OR10G3: variants seen among roughly 807,000 people sequenced by gnomAD.
OR10G3 encodes olfactory receptor 10G3.
OR10G3 carries 8 observed loss-of-function variants against 13.4 expected under a neutral mutation model. That is an observed-to-expected ratio of 0.60 (90% CI 0.35 to 1.08). The LOEUF (loss-of-function observed/expected upper bound fraction) is 1.08. Ranked by LOEUF, OR10G3 falls within the 50% of genes least tolerant of loss-of-function variation. OR10G3 has a pLI of 0.02. For synonymous variants in OR10G3, 142 were observed against 156.1 expected (o/e 0.91, Z 0.67); for missense variants, 393 against 386.6 (o/e 1.02, Z -0.14).
At chr14:21,572,242 C>A (rs1893077721) in intron 1 of OR10G3, among the ~76,000 whole-genome samples, 1 of 125,608 alleles carries the variant, frequency 8.0e-6, no homozygotes, top group Non-Finnish European at 1.6e-5. Context: ...GCTGAGATTG[C>A]ACCACTTCAC....
intron 1 of OR10G3, chr14:21,574,795 A>T (rs936832377): frequency 7.9e-5 from 12 of 151,948 alleles, no homozygotes; most frequent in Admixed American, 7.2e-4. Context: ...AAAAAAAATA[A>T]AAAAAATTTA....
intron 1 of OR10G3, among the ~76,000 whole-genome samples, 154 bp downstream of exon 1, chr14:21,579,632 A>C (rs1253358345): frequency 1.3e-5 from 2 of 152,236 alleles, no homozygotes; most frequent in Non-Finnish European, 2.9e-5. Flanking sequence ...ACAGCAGAAA[A>C]AGAACTATAC....
At chr14:21,575,318 T>C in intron 1 of OR10G3, among the ~76,000 whole-genome samples, 1 of 151,746 alleles carries the variant, frequency 6.6e-6, no homozygotes. Flanking sequence ...CCTGACCTCA[T>C]GATCTGCCCG....
At chr14:21,578,664 GAAA>G (rs1301391944) in intron 1 of OR10G3, among the ~76,000 whole-genome samples, 1 of 151,910 alleles carries the variant, frequency 6.6e-6, no homozygotes, top group Non-Finnish European at 1.5e-5. Context: ...TGGCCATGAA[GAAA>G]ACTTTAAAAA....
intron 1 of OR10G3, 147 bp downstream of exon 1, chr14:21,579,639 A>G (rs1338600306): frequency 6.6e-6 from 1 of 152,250 alleles, no homozygotes; most frequent in Non-Finnish European, 1.5e-5. Flanking sequence ...AAAAAGAACT[A>G]TACTGAGTAA....
At chr14:21,573,680 A>C (rs562445384) in intron 1 of OR10G3, among the ~76,000 whole-genome samples, 4 of 151,772 alleles carry the variant, frequency 2.6e-5, no homozygotes, top group African/African-American at 7.3e-5. Flanking sequence ...TCAAAAAAAA[A>C]AAAGTACGAA....
intron 1 of OR10G3, among the ~76,000 whole-genome samples, chr14:21,573,978 A>T (rs1034614678): frequency 6.6e-6 from 1 of 152,172 alleles, no homozygotes; most frequent in African/African-American, 2.4e-5. Context: ...AAAAATACTC[A>T]TGACTTGAGG....
intron 1 of OR10G3, among the ~76,000 whole-genome samples, chr14:21,573,401 A>C (rs777576894): frequency 4.6e-5 from 7 of 152,090 alleles, no homozygotes; most frequent in Non-Finnish European, 7.4e-5. Context: ...AGCTGGGTGC[A>C]GTGGCTCACG....
At chr14:21,573,544 C>T (rs1042504173) in intron 1 of OR10G3, among the ~76,000 whole-genome samples, 1 of 125,664 alleles carries the variant, frequency 8.0e-6, no homozygotes, top group Admixed American at 7.9e-5. Context: ...TGGTGGCATG[C>T]ACCTGTAATC....
At chr14:21,573,093 C>T (rs564581889) in intron 1 of OR10G3, among the ~76,000 whole-genome samples, 12 of 152,148 alleles carry the variant, frequency 7.9e-5, no homozygotes, top group East Asian at 5.8e-4. Context: ...TGGAAGAAAA[C>T]GGGAAAAGTT....
chr14:21,572,365 G>A (rs146829799), intron 1 of OR10G3, among the ~76,000 whole-genome samples: 17,321 of 138,926 alleles, frequency 0.12, 1,198 homozygotes, highest in Middle Eastern at 0.2. Flanking sequence ...TTGGGAAGCC[G>A]AGGCAGATGG....
At chr14:21,578,293 C>T (rs890476475) in intron 1 of OR10G3, among the ~76,000 whole-genome samples, 3 of 152,022 alleles carry the variant, frequency 2.0e-5, no homozygotes, top group Admixed American at 6.6e-5. Context: ...AGCCTGTAAT[C>T]CCAGCTACAC....
At chr14:21,576,037 A>G (rs1893125761) in intron 1 of OR10G3, among the ~76,000 whole-genome samples, 2 of 152,094 alleles carry the variant, frequency 1.3e-5, no homozygotes, top group African/African-American at 4.8e-5. Flanking sequence ...GCAGTGCACA[A>G]TGGTAGCCCT....
chr14:21,569,634 G>A lies in OR10G3; in HGVS notation c.*169C>T. ...CAGTGGCTGAGAGTTATCTTGAGAGGATACTAAGGAACTGTTAGAAAGTTA... is the reference window on the plus strand; with the variant it reads ...CAGTGGCTGAGAGTTATCTTGAGAGAATACTAAGGAACTGTTAGAAAGTTA... On this transcript the variant is annotated 3_prime_UTR_variant, in exon 2 of 2. Coordinates refer to ENST00000641040, the MANE Select transcript of OR10G3 (RefSeq NM_001005465.2). 1 of 610,634 alleles carries A rather than the reference G, an allele frequency of 1.6e-6. No homozygotes were observed. The highest frequency in any genetic ancestry group is 3.2e-5 in the Admixed American group (1 of 31,032). 37.8% of individuals were successfully genotyped at this position (610,634 alleles called of 1,614,324 possible). A position where few individuals can be genotyped will look rare whatever the true frequency, so the allele number is the denominator to read the frequency against.
rs1170264732 is a variant in OR10G3, at chr14:21,579,948, G to C, written c.-180C>G. ...TTACTTTTGGCTGGATCAAAGTAAA[G>C]AGTCAAACTATGGAAACTTAATTTA... On this transcript the variant is annotated 5_prime_UTR_variant, in exon 1 of 2. Coordinates refer to ENST00000641040, the MANE Select transcript of OR10G3 (RefSeq NM_001005465.2). The C allele has an allele frequency of 6.6e-6, 1 of 152,202 alleles. No homozygotes were observed. Among genetic ancestry groups the C allele is most frequent in the Non-Finnish European group, 1.5e-5 (1 of 68,030 alleles). 9.4% of individuals were successfully genotyped at this position (152,202 alleles called of 1,614,324 possible).
intron 1 of OR10G3, among the ~76,000 whole-genome samples, chr14:21,576,088 G>A (rs1188612761): frequency 6.6e-6 from 1 of 152,152 alleles, no homozygotes; most frequent in Admixed American, 6.6e-5. Flanking sequence ...TCTGTGTGTC[G>A]TGTCATGGGA....
intron 1 of OR10G3, among the ~76,000 whole-genome samples, chr14:21,574,669 T>C (rs1893108633): frequency 6.6e-6 from 1 of 152,146 alleles, no homozygotes; most frequent in Non-Finnish European, 1.5e-5. Context: ...CCTCTGGGAC[T>C]GGGTGTGGTG....
In OR10G3 at chr14:21,568,723, T is replaced by G. The variant is rs1384724247; in HGVS notation, c.*1080A>C. On this transcript the variant is annotated 3_prime_UTR_variant, in exon 2 of 2. Coordinates refer to ENST00000641040, the MANE Select transcript of OR10G3 (RefSeq NM_001005465.2). ...GTTTTTTTTTTTTTTATTTTTTTAT[T>G]TTTTTGAGACGGAGTCTCACTCTGT... 6.6e-6 allele frequency: 1 copy of G among 151,608 alleles called. No homozygotes were observed. Among genetic ancestry groups the G allele is most frequent in the Non-Finnish European group, 1.5e-5 (1 of 67,988 alleles). The allele number at this position is 151,608 out of a possible 1,614,324, so 9.4% of individuals were successfully genotyped here. A position where few individuals can be genotyped will look rare whatever the true frequency, so the allele number is the denominator to read the frequency against.
At chr14:21,579,701 C>T (rs1435319711) in intron 1 of OR10G3, 85 bp downstream of exon 1, 2 of 152,198 alleles carry the variant, frequency 1.3e-5, no homozygotes, top group African/African-American at 4.8e-5. Context: ...AGAGAAACCC[C>T]TTACACAATG....
Sources: gnomAD v4.1 joint callset for allele counts (sites outside exome capture counted in the v4.1 genomes callset) on GRCh38, gnomAD v4.1.1 for gene constraint, MANE v1.5 for transcripts, NCBI Gene and HGNC (gene_info 2026-07-23, HGNC 2026-07-21) for gene names.